The following LRP1B variants were observed in gnomAD, a reference collection of about 807,000 sequenced individuals.
The protein encoded by LRP1B is low-density lipoprotein receptor-related protein 1B.
In LRP1B, 217 loss-of-function variants were observed where a neutral mutation model predicts 556.6. The observed-to-expected ratio is 0.39, with a 90% CI of 0.35 to 0.44. The LOEUF (loss-of-function observed/expected upper bound fraction) is 0.44, where lower values mean the gene tolerates loss of function less well. Ranked by LOEUF, LRP1B falls within the 20% of genes least tolerant of loss-of-function variation. The probability of loss-of-function intolerance (pLI) is 1.00; values close to 1 mark genes in which losing one functional copy is unlikely to be tolerated. For missense variants in LRP1B, 5,053 were observed against 5,620.8 expected, an observed-to-expected ratio of 0.90 and a Z score of 3.23; for synonymous variants, 2,047 against 1,865.8, an observed-to-expected ratio of 1.10 and a Z score of -2.50.
At chr2:140,308,428 A>G (rs1166197996) in intron 83 of LRP1B, among the ~76,000 whole-genome samples, 2 of 151,836 alleles carry the variant, frequency 1.3e-5, no homozygotes, top group African/African-American at 4.8e-5. Flanking sequence ...TTTCTGTGAC[A>G]TAGTGACCGA....
intron 41 of LRP1B, among the ~76,000 whole-genome samples, chr2:140,675,834 A>G (rs2105367968): frequency 6.6e-6 from 1 of 152,318 alleles, no homozygotes; most frequent in South Asian, 2.1e-4. Flanking sequence ...ATACACATAT[A>G]TATGTACATA....
intron 3 of LRP1B, among the ~76,000 whole-genome samples, chr2:141,291,958 A>G (rs1168922772): frequency 6.6e-6 from 1 of 151,118 alleles, no homozygotes; most frequent in African/African-American, 2.4e-5. Context: ...ATTTAACTGT[A>G]TATCCCCTAT....
intron 2 of LRP1B, among the ~76,000 whole-genome samples, chr2:141,517,259 T>TACACACACACACACACACACACAC (rs71281835): frequency 4.2e-5 from 6 of 141,390 alleles, no homozygotes; most frequent in South Asian, 2.3e-4. Context: ...AGGACAAGAA[T>TACACACACACACACACACACACAC]ACGCACACAC....
At chr2:141,082,428 T>A (rs1422071029) in intron 7 of LRP1B, among the ~76,000 whole-genome samples, 1 of 152,248 alleles carries the variant, frequency 6.6e-6, no homozygotes, top group African/African-American at 2.4e-5. Flanking sequence ...ACTATCTTTA[T>A]TCTACCTGGT....
chr2:140,892,739 A>C (rs1247012522), intron 23 of LRP1B, among the ~76,000 whole-genome samples: 1 of 152,150 alleles, frequency 6.6e-6, no homozygotes, highest in Non-Finnish European at 1.5e-5. Flanking sequence ...TCATTTGTAC[A>C]GAAAGTTAGG....
chr2:142,034,187 T>C (rs919012333), intron 1 of LRP1B, among the ~76,000 whole-genome samples: 1 of 151,794 alleles, frequency 6.6e-6, no homozygotes, highest in Admixed American at 6.6e-5. Flanking sequence ...ATCAGTTCTA[T>C]GTATCATTTT....
chr2:141,750,061 G>C (rs1051049058), intron 2 of LRP1B, among the ~76,000 whole-genome samples: 1 of 152,136 alleles, frequency 6.6e-6, no homozygotes, highest in Admixed American at 6.5e-5. Flanking sequence ...GTGAGGGGAT[G>C]ATAATGTCTT....
chr2:141,670,012 C>T (rs944555207), intron 2 of LRP1B, among the ~76,000 whole-genome samples: 5 of 152,110 alleles, frequency 3.3e-5, no homozygotes, highest in African/African-American at 1.2e-4. Context: ...CTAGGCATCC[C>T]AAAGTGCTGG....
intron 1 of LRP1B, among the ~76,000 whole-genome samples, chr2:142,064,047 C>T (rs1403416100): frequency 6.6e-6 from 1 of 151,474 alleles, no homozygotes; most frequent in African/African-American, 2.4e-5. Context: ...AAGATTTTGA[C>T]AAGAATGCTT....
intron 2 of LRP1B, among the ~76,000 whole-genome samples, chr2:141,587,500 A>G (rs892283847): frequency 3.9e-5 from 6 of 152,236 alleles, no homozygotes; most frequent in African/African-American, 1.4e-4. Context: ...CACCAAATAG[A>G]GAGTGACTGG....
intron 41 of LRP1B, among the ~76,000 whole-genome samples, chr2:140,682,675 C>CATGTGT (rs1553513123): frequency 1.3e-5 from 2 of 149,434 alleles, no homozygotes; most frequent in East Asian, 2.0e-4. Context: ...GAGAGTATTG[C>CATGTGT]GTGTGTGTGT....
intron 1 of LRP1B, among the ~76,000 whole-genome samples, chr2:141,828,406 A>G (rs7561165): frequency 0.28 from 42,042 of 152,004 alleles, 5,947 homozygotes; most frequent in Admixed American, 0.33. Context: ...AACAAATAAT[A>G]GGAAGTTCAA....
intron 1 of LRP1B, among the ~76,000 whole-genome samples, chr2:141,875,596 T>C (rs1338572525): frequency 6.6e-6 from 1 of 151,982 alleles, no homozygotes; most frequent in African/African-American, 2.4e-5. Flanking sequence ...TTGACAATTA[T>C]TCAATTTCAT....
At chr2:141,845,759 AG>A in intron 1 of LRP1B, among the ~76,000 whole-genome samples, 1 of 152,152 alleles carries the variant, frequency 6.6e-6, no homozygotes, top group Admixed American at 6.6e-5. Context: ...CAGCAGAAGC[AG>A]AGCTAACATA....
intron 2 of LRP1B, among the ~76,000 whole-genome samples, chr2:141,598,219 C>G (rs1687593846): frequency 6.6e-6 from 1 of 151,922 alleles, no homozygotes; most frequent in Admixed American, 6.6e-5. Flanking sequence ...TATTATTCAT[C>G]TTGAATACCA....
intron 86 of LRP1B, among the ~76,000 whole-genome samples, chr2:140,262,442 G>T (rs1226838961): frequency 6.6e-6 from 1 of 152,130 alleles, no homozygotes; most frequent in Non-Finnish European, 1.5e-5. Context: ...ACTAAGGTTT[G>T]GAGAGGCTAA....
At chr2:141,195,333 G>A (rs546919792) in intron 6 of LRP1B, among the ~76,000 whole-genome samples, 1 of 152,242 alleles carries the variant, frequency 6.6e-6, no homozygotes, top group South Asian at 2.1e-4. Flanking sequence ...GATGCCAGAT[G>A]CCTGCAGTCC....
At chr2:141,281,158 T>TAAAA (rs1458123481) in intron 3 of LRP1B, among the ~76,000 whole-genome samples, 1 of 152,062 alleles carries the variant, frequency 6.6e-6, no homozygotes, top group African/African-American at 2.4e-5. Flanking sequence ...TTCCTCCACA[T>TAAAA]AAAACCTTCT....
chr2:142,015,783 G>A (rs1477458193), intron 1 of LRP1B, among the ~76,000 whole-genome samples: 1 of 151,882 alleles, frequency 6.6e-6, no homozygotes, highest in Admixed American at 6.6e-5. Flanking sequence ...CACGAGGTCA[G>A]GCGATCGAGA....
Sources: allele counts gnomAD v4.1 joint callset (sites outside exome capture counted in the v4.1 genomes callset), GRCh38; gene constraint gnomAD v4.1.1; transcripts MANE v1.5; gene names NCBI Gene and HGNC (gene_info 2026-07-23, HGNC 2026-07-21).